The following DLC1 variants were observed in gnomAD, a reference collection of about 807,000 sequenced individuals.
DLC1 encodes rho GTPase-activating protein 7.
Under a neutral mutation model 140.3 loss-of-function variants are expected in DLC1, and 54 were observed. The ratio of observed to expected loss-of-function variants is 0.38; its 90% CI spans 0.31 to 0.48. The LOEUF is 0.48. Among genes scored for constraint, DLC1 ranks in the 20% least tolerant of loss-of-function variants. The probability of loss-of-function intolerance (pLI) is 0.96; values close to 1 mark genes in which losing one functional copy is unlikely to be tolerated. For synonymous variants in DLC1, 986 were observed against 728.1 expected (o/e 1.35, Z -5.70); for missense variants, 2,536 against 1,907.0 (o/e 1.33, Z -6.14).
chr8:13,092,583 T>C (rs1186544143), intron 13 of DLC1, 29 bp downstream of exon 13: 2 of 1,606,156 alleles, frequency 1.2e-6, no homozygotes, highest in Non-Finnish European at 8.5e-7. Flanking sequence ...CTGCCCCCTG[T>C]GTGCATGCAC....
intron 1 of DLC1, among the ~76,000 whole-genome samples, chr8:13,574,085 A>G (rs1804755853): frequency 6.6e-6 from 1 of 152,172 alleles, no homozygotes; most frequent in South Asian, 2.1e-4. Flanking sequence ...ATCTTCTAGA[A>G]TTCTGTAATC....
chr8:13,583,029 C>T (rs992806999), intron 1 of DLC1, among the ~76,000 whole-genome samples: 5 of 151,246 alleles, frequency 3.3e-5, no homozygotes, highest in African/African-American at 7.3e-5. Context: ...ATCTTTTTGC[C>T]GGTGGAGGGT....
rs191744480 is a variant in DLC1 at position 13,400,111 on chromosome 8, C to T, written c.1173+1359G>A. On this transcript the variant is annotated intron_variant, in intron 3 of 17. Transcript: ENST00000276297. ...AAAATTAGCTTTAAATTCCAAGGAACATAAATAAAGAACAAGAGGTGACCT... is the reference window on the plus strand; with the variant it reads ...AAAATTAGCTTTAAATTCCAAGGAATATAAATAAAGAACAAGAGGTGACCT... 4.7e-4 allele frequency among the ~76,000 whole-genome samples: 71 copies of T among 152,178 alleles called. 1 individual carries two copies. Among genetic ancestry groups the T allele is most frequent in the African/African-American group, 1.7e-3 (71 of 41,520 alleles).
At position 13,085,771 on chromosome 8, in the gene DLC1, A is replaced by G. The variant is rs200491869; in HGVS notation, c.*40T>C. The G allele has an allele frequency of 1.9e-5, 31 of 1,612,172 alleles. No homozygotes were observed. The highest frequency in any genetic ancestry group is 2.5e-5 in the Non-Finnish European group (29 of 1,179,002). ...AAGGACTGGCAAAAGTTCTAGAAAC[A>G]AACACCATGGTGGTGGAAGCGGTTG... On this transcript the variant is annotated 3_prime_UTR_variant, in exon 18 of 18. Coordinates refer to ENST00000276297, the MANE Select transcript of DLC1 (RefSeq NM_182643.3).
intron 5 of DLC1, among the ~76,000 whole-genome samples, chr8:13,119,615 A>C (rs915492766): frequency 5.3e-5 from 8 of 152,286 alleles, no homozygotes; most frequent in Middle Eastern, 3.4e-3. Context: ...TGAGATAAAC[A>C]CATGAGGAAA....
chr8:13,438,982 C>T (rs1192904491), intron 2 of DLC1, among the ~76,000 whole-genome samples: 1 of 152,162 alleles, frequency 6.6e-6, no homozygotes, highest in Non-Finnish European at 1.5e-5. Flanking sequence ...CAGCCATAGA[C>T]ACTATGTATA....
At chr8:13,325,006 G>A (rs111621471) in intron 4 of DLC1, among the ~76,000 whole-genome samples, 100 of 152,270 alleles carry the variant, frequency 6.6e-4, no homozygotes, top group African/African-American at 2.1e-3. Context: ...GCTAAAATAC[G>A]TCCCAAGTTT....
At chr8:13,324,122 G>A (rs1833237917) in intron 4 of DLC1, among the ~76,000 whole-genome samples, 1 of 152,186 alleles carries the variant, frequency 6.6e-6, no homozygotes, top group Admixed American at 6.5e-5. Context: ...AAAGAGATCT[G>A]AAGGTGTTTT....
intron 17 of DLC1, 28 bp downstream of exon 17, chr8:13,086,262 A>G (rs1817548454): frequency 1.2e-6 from 2 of 1,602,608 alleles, no homozygotes; most frequent in African/African-American, 2.7e-5. Flanking sequence ...GACCCTCACC[A>G]TATAAAAAAA....
intron 1 of DLC1, among the ~76,000 whole-genome samples, chr8:13,577,384 T>A (rs987187974): frequency 6.6e-6 from 1 of 152,106 alleles, no homozygotes; most frequent in African/African-American, 2.4e-5. Flanking sequence ...TTTAGAGTAA[T>A]GGGTTATATG....
intron 5 of DLC1, among the ~76,000 whole-genome samples, chr8:13,300,053 C>A (rs1832126128): frequency 6.6e-6 from 1 of 152,136 alleles, no homozygotes; most frequent in African/African-American, 2.4e-5. Flanking sequence ...CAGTGATAGG[C>A]TGGATAAAGA....
intron 3 of DLC1, among the ~76,000 whole-genome samples, chr8:13,397,500 G>A (rs1308335932): frequency 6.6e-6 from 1 of 152,004 alleles, no homozygotes; most frequent in African/African-American, 2.4e-5. Flanking sequence ...AAGAGAAGGA[G>A]TGAGGAAAAA....
intron 4 of DLC1, among the ~76,000 whole-genome samples, chr8:13,345,297 A>G (rs547419718): frequency 6.6e-6 from 1 of 152,282 alleles, no homozygotes; most frequent in African/African-American, 2.4e-5. Context: ...TGTAATAACA[A>G]GCAACTTGAG....
At chr8:13,165,478 A>T (rs6531030) in intron 5 of DLC1, among the ~76,000 whole-genome samples, 99,610 of 152,086 alleles carry the variant, frequency 0.65, 33,673 homozygotes, top group East Asian at 0.86. Context: ...AGTGCTCCAG[A>T]CCCAAAGTTG....
chr8:13,210,341 A>T (rs1379544143), intron 5 of DLC1, among the ~76,000 whole-genome samples: 11 of 152,192 alleles, frequency 7.2e-5, no homozygotes, highest in Admixed American at 6.5e-5. Flanking sequence ...AAGGGAGAAG[A>T]TCAAAGATCA....
At chr8:13,394,302 A>G (rs1376747740) in intron 3 of DLC1, among the ~76,000 whole-genome samples, 1 of 152,210 alleles carries the variant, frequency 6.6e-6, no homozygotes, top group East Asian at 1.9e-4. Flanking sequence ...ATGATAGTAG[A>G]CACTCATGGA....
intron 2 of DLC1, among the ~76,000 whole-genome samples, chr8:13,483,521 G>A (rs537592760): frequency 1.2e-4 from 18 of 152,290 alleles, no homozygotes; most frequent in Non-Finnish European, 1.9e-4. Context: ...TTTAAGTGAA[G>A]TATCAGGTAA....
chr8:13,154,316 C>A (rs765971668), intron 5 of DLC1, among the ~76,000 whole-genome samples: 5 of 152,166 alleles, frequency 3.3e-5, no homozygotes, highest in Non-Finnish European at 7.4e-5. Context: ...CAGGAATGGC[C>A]GGCTGCAGGT....
Position 13,115,605 on chromosome 8 carries a change from C to T in DLC1, c.1401G>A (p.Gln467=), listed in dbSNP as rs1820484794. The T allele has an allele frequency of 1.2e-6, 2 of 1,613,964 alleles. No homozygotes were observed. The highest frequency in any genetic ancestry group is 2.7e-5 in the African/African-American group (2 of 75,028). Residue 467 remains glutamine, a synonymous_variant, in exon 6 of 18, where the codon CAG becomes CAA. Coordinates refer to ENST00000276297, the MANE Select transcript of DLC1 (RefSeq NM_182643.3). ...CDWLRATGFP[Q]YAQLYEDFLF... ...GCTTACCTTCATAAAGCTGTGCATACTGGGGGAAACCAGTTGCCCGTAGCC... is the reference window on the plus strand; with the variant it reads ...GCTTACCTTCATAAAGCTGTGCATATTGGGGGAAACCAGTTGCCCGTAGCC...
Sources: gnomAD v4.1 joint callset for allele counts (sites outside exome capture counted in the v4.1 genomes callset) on GRCh38, gnomAD v4.1.1 for gene constraint, MANE v1.5 for transcripts, NCBI Gene and HGNC (gene_info 2026-07-23, HGNC 2026-07-21) for gene names.